Variants in PRKN observed in about 807,000 individuals in gnomAD.
PRKN encodes the protein E3 ubiquitin-protein ligase parkin.
A neutral mutation model predicts 59.5 loss-of-function variants in PRKN; 56 were observed. The ratio of observed to expected loss-of-function variants is 0.94; its 90% confidence interval spans 0.76 to 1.18. The LOEUF (loss-of-function observed/expected upper bound fraction) is 1.18. PRKN is among the 50% of genes most tolerant of loss of function. The pLI is 0.00. For synonymous variants in PRKN, 250 were observed against 222.1 expected (o/e 1.13, Z -1.12); for missense variants, 657 against 596.4 (o/e 1.10, Z -1.06).
At chr6:161,607,307 A>G (rs1782319299) in intron 7 of PRKN, among the ~76,000 whole-genome samples, 1 of 152,204 alleles carries the variant, frequency 6.6e-6, no homozygotes, top group African/African-American at 2.4e-5. Flanking sequence ...TAAAAAAAGT[A>G]TGAATGAAAA....
In PRKN at chr6:161,440,827, GTCT is replaced by G. The variant is rs138732500; in HGVS notation, c.1084-53953_1084-53951del. Among the ~76,000 whole-genome samples, 963 of 152,254 alleles carry G rather than the reference GTCT, an allele frequency of 6.3e-3. 14 individuals are homozygous for G. The highest frequency in any genetic ancestry group is 0.056 in the East Asian group (291 of 5,174). On this transcript the variant is annotated intron_variant, in intron 9 of 11. Transcript: ENST00000366898. This position sits in a 1 kb window ranked among gnomAD's most constrained non-coding sequence, Gnocchi z 4.1. ...TGGGTTTTCTGAGGGTTCTTTATTTGTCTTCGAGAATATTAAAGACCAGCATCT... is the reference window on the plus strand; with the variant it reads ...TGGGTTTTCTGAGGGTTCTTTATTTGTCGAGAATATTAAAGACCAGCATCT...
At chr6:162,552,639 G>A (rs2846486) in intron 1 of PRKN, among the ~76,000 whole-genome samples, 43,131 of 151,978 alleles carry the variant, frequency 0.28, 6,823 homozygotes, top group Non-Finnish European at 0.36. Flanking sequence ...AGAAACATCC[G>A]CGTGGAGTTG....
intron 5 of PRKN, among the ~76,000 whole-genome samples, chr6:161,981,310 T>C (rs1201796124): frequency 1.3e-5 from 2 of 152,196 alleles, no homozygotes; most frequent in Non-Finnish European, 1.5e-5. Context: ...AAGACACAAC[T>C]ACTAGTTTTA....
chr6:162,560,893 T>C (rs1426789524), intron 1 of PRKN, among the ~76,000 whole-genome samples: 1 of 73,584 alleles, frequency 1.4e-5, no homozygotes, highest in African/African-American at 6.4e-5. Context: ...AACATGAAAA[T>C]CTGTGAAGTT....
rs1385745380 is a variant in PRKN, at chr6:161,367,084, G to A, written c.1168-6879C>T. ...CGGCTCACTGCAAGCTCCGCCTCCC[G>A]GGTTCACGCCATTCTCCTGCCTCAG... On this transcript the variant is annotated intron_variant, in intron 10 of 11. Transcript: ENST00000366898. Among the ~76,000 whole-genome samples, 5 of 143,066 alleles carry A rather than the reference G, an allele frequency of 3.5e-5. No individual in the cohort carries two copies. The South Asian group carries it at 6.8e-4, about 19-fold the overall frequency. The allele number at this position is 143,066 out of a possible 152,430, so 93.9% of individuals were successfully genotyped here.
intron 1 of PRKN, among the ~76,000 whole-genome samples, chr6:162,576,344 C>T (rs1040441246): frequency 2.6e-5 from 4 of 152,134 alleles, no homozygotes; most frequent in East Asian, 1.9e-4. Context: ...TTAATACAAA[C>T]ACTAAATGTA....
At chr6:161,422,262 G>A (rs1256485229) in intron 9 of PRKN, among the ~76,000 whole-genome samples, 2 of 144,264 alleles carry the variant, frequency 1.4e-5, no homozygotes, top group Non-Finnish European at 3.0e-5. Context: ...GCAGTGGCAT[G>A]ATCTCGGCTC....
At chr6:162,368,609 C>A (rs1785579647) in intron 2 of PRKN, among the ~76,000 whole-genome samples, 1 of 152,120 alleles carries the variant, frequency 6.6e-6, no homozygotes, top group South Asian at 2.1e-4. Flanking sequence ...GCTGGGTTGG[C>A]AGTGACAGAA....
At chr6:162,654,984 G>A (rs1778587249) in intron 1 of PRKN, among the ~76,000 whole-genome samples, 1 of 151,946 alleles carries the variant, frequency 6.6e-6, no homozygotes, top group African/African-American at 2.4e-5. Context: ...TAATGCTCTA[G>A]TCTTTTTAAT....
rs752284219 is a variant in PRKN at position 161,428,067 on chromosome 6, C to T, written c.1084-41190G>A. Among the ~76,000 whole-genome samples, 12 of 152,234 alleles carry T rather than the reference C, an allele frequency of 7.9e-5. No homozygotes were observed. The highest frequency in any genetic ancestry group is 1.5e-4 in the Non-Finnish European group (10 of 68,024). ...AGTCTGAGTGTGTCTCCGTGGAGCTCGGCATTTGGACACAGCTCACACGCA... is the reference window on the plus strand; with the variant it reads ...AGTCTGAGTGTGTCTCCGTGGAGCTTGGCATTTGGACACAGCTCACACGCA... On this transcript the variant is annotated intron_variant, in intron 9 of 11. Transcript: ENST00000366898. The surrounding 1 kb of genome is among the most constrained non-coding windows in gnomAD (Gnocchi z 4.0).
chr6:161,838,281 T>C (rs1045874275), intron 6 of PRKN, among the ~76,000 whole-genome samples: 1 of 152,254 alleles, frequency 6.6e-6, no homozygotes, highest in Non-Finnish European at 1.5e-5. Context: ...TTTTAGATTC[T>C]TCTAAGACCA....
chr6:162,019,575 T>TG (rs1783056728), intron 5 of PRKN, among the ~76,000 whole-genome samples: 1 of 152,190 alleles, frequency 6.6e-6, no homozygotes, highest in Non-Finnish European at 1.5e-5. Flanking sequence ...TGCTGAGCAG[T>TG]GACAGGACCC....
chr6:162,165,924 T>C (rs1782958721), intron 4 of PRKN, among the ~76,000 whole-genome samples: 1 of 151,748 alleles, frequency 6.6e-6, no homozygotes, highest in Non-Finnish European at 1.5e-5. Context: ...GGTGGGCACC[T>C]GTAGTCTCAG....
chr6:162,669,609 G>A (rs934771836), intron 1 of PRKN, among the ~76,000 whole-genome samples: 7 of 152,110 alleles, frequency 4.6e-5, no homozygotes, highest in African/African-American at 1.7e-4. Context: ...CTTTCTGGAT[G>A]CCAATAATTC....
At chr6:161,469,072 A>G (rs1365611786) in intron 9 of PRKN, among the ~76,000 whole-genome samples, 1 of 152,046 alleles carries the variant, frequency 6.6e-6, no homozygotes, top group East Asian at 1.9e-4. Context: ...CTGTGTACTC[A>G]TCCCTGGAAC....
At chr6:162,388,049 C>T (rs2128143297) in intron 2 of PRKN, among the ~76,000 whole-genome samples, 1 of 152,292 alleles carries the variant, frequency 6.6e-6, no homozygotes, top group South Asian at 2.1e-4. Context: ...AAGCAGAGAA[C>T]TGAGGTAAAC....
At chr6:161,849,452 G>GA (rs983684879) in intron 6 of PRKN, among the ~76,000 whole-genome samples, 3 of 152,054 alleles carry the variant, frequency 2.0e-5, no homozygotes, top group Non-Finnish European at 2.9e-5. Context: ...TCATTTAATA[G>GA]AAAAAATAAT....
chr6:162,396,926 A>AAC (rs138294219), intron 2 of PRKN, among the ~76,000 whole-genome samples: 110 of 152,114 alleles, frequency 7.2e-4, no homozygotes, highest in African/African-American at 2.6e-3. Flanking sequence ...CACAGGCATG[A>AAC]ACACACACAC....
At chr6:162,643,180 C>T (rs1442124729) in intron 1 of PRKN, among the ~76,000 whole-genome samples, 2 of 151,766 alleles carry the variant, frequency 1.3e-5, no homozygotes, top group African/African-American at 4.8e-5. Flanking sequence ...GGTGGATCAC[C>T]TGAGGTCAGG....
Sources: gnomAD v4.1 joint callset for allele counts (sites outside exome capture counted in the v4.1 genomes callset) on GRCh38, gnomAD v4.1.1 for gene constraint, Gnocchi (gnomAD v3.1) non-coding constraint, MANE v1.5 for transcripts, NCBI Gene and HGNC (gene_info 2026-07-23, HGNC 2026-07-21) for gene names.